CDH13: variants seen among roughly 807,000 people sequenced by gnomAD.
The protein encoded by CDH13 is cadherin 13, also known as cadherin-13.
Under a neutral mutation model 63.8 loss-of-function variants are expected in CDH13, and 24 were observed. The ratio of observed to expected loss-of-function variants is 0.38; its 90% CI spans 0.27 to 0.53. The LOEUF is 0.53. CDH13 is among the 20% of genes least tolerant of loss of function. CDH13 has a pLI of 0.85. For synonymous variants in CDH13, 503 were observed against 355.3 expected (o/e 1.42, Z -4.67); for missense variants, 1,049 against 903.1 (o/e 1.16, Z -2.07).
At chr16:83,788,444 TTAAG>T (rs1347378019) in intron 13 of CDH13, among the ~76,000 whole-genome samples, 3 of 148,066 alleles carry the variant, frequency 2.0e-5, no homozygotes, top group Admixed American at 7.0e-5. Context: ...TCCCCATATA[TTAAG>T]TATTAGTAAA....
chr16:83,319,293 T>A (rs2090171256), intron 5 of CDH13, among the ~76,000 whole-genome samples: 1 of 152,202 alleles, frequency 6.6e-6, no homozygotes, highest in Non-Finnish European at 1.5e-5. Flanking sequence ...TCTAGGATTC[T>A]CTTTGGCATT....
intron 2 of CDH13, among the ~76,000 whole-genome samples, chr16:82,940,370 G>A (rs2151307640): frequency 6.6e-6 from 1 of 152,248 alleles, no homozygotes; most frequent in African/African-American, 2.4e-5. Context: ...TATGACACCA[G>A]AATGAGCTAA....
In CDH13 at chr16:83,569,869, T is replaced by A. The variant is rs546187929; in HGVS notation, c.961-32585T>A. On this transcript the variant is annotated intron_variant, in intron 7 of 13. Coordinates refer to ENST00000567109, the MANE Select transcript of CDH13 (RefSeq NM_001257.5). The stretch of plus-strand genomic sequence containing the variant: ...CTCCTGCCTCAGCCTTCCGAGTAGC[T>A]GGGACTACAGGTGCACGCCACCATG... Among the ~76,000 whole-genome samples the A allele has an allele frequency of 3.3e-5, 5 of 152,270 alleles. No individual in the cohort carries two copies. In the South Asian group the frequency reaches 1.0e-3, roughly 32 times the overall value.
chr16:83,294,612 G>GTA (rs2089544459), intron 5 of CDH13, among the ~76,000 whole-genome samples: 2 of 108,160 alleles, frequency 1.8e-5, no homozygotes, highest in African/African-American at 7.1e-5. Flanking sequence ...ATGTGTGTGT[G>GTA]TGTGTGTATA....
At chr16:82,781,215 G>C (rs2021989064) in intron 1 of CDH13, among the ~76,000 whole-genome samples, 1 of 152,200 alleles carries the variant, frequency 6.6e-6, no homozygotes, top group African/African-American at 2.4e-5. Context: ...CCAGGGCAAG[G>C]CTGTTTAGTT....
intron 1 of CDH13, among the ~76,000 whole-genome samples, chr16:82,829,024 A>G (rs535793172): frequency 4.6e-5 from 7 of 152,268 alleles, no homozygotes; most frequent in Admixed American, 1.3e-4. Context: ...GGGTTTTAGA[A>G]AAAAGGTGGA....
intron 5 of CDH13, among the ~76,000 whole-genome samples, chr16:83,313,536 A>G (rs2090043234): frequency 1.3e-5 from 2 of 151,650 alleles, no homozygotes; most frequent in African/African-American, 4.8e-5. Context: ...TGCCATTTTT[A>G]GAGGTTCTCA....
In CDH13 at chr16:83,264,688, C is replaced by G. The variant is rs2151839240; in HGVS notation, c.636+47191C>G. Among the ~76,000 whole-genome samples, 5 of 151,466 alleles carry G rather than the reference C, an allele frequency of 3.3e-5. 2 individuals carry two copies. Among genetic ancestry groups the G allele is most frequent in the Admixed American group, 3.3e-4 (5 of 15,202 alleles). On this transcript the variant is annotated intron_variant, in intron 5 of 13. Transcript: ENST00000567109. ...TCATATCTATGGCTTGCAGCTTACC[C>G]CTCTGCCTACCCCTAATTTCTAATT...
chr16:83,671,115 C>T (rs373684839), intron 9 of CDH13, 143 bp downstream of exon 9: 3 of 726,152 alleles, frequency 4.1e-6, no homozygotes, highest in African/African-American at 3.5e-5. Flanking sequence ...GGAAAAGGCT[C>T]ATGGCTTAAG....
At chr16:83,412,749 A>T (rs1465100242) in intron 6 of CDH13, among the ~76,000 whole-genome samples, 1 of 152,186 alleles carries the variant, frequency 6.6e-6, no homozygotes, top group Non-Finnish European at 1.5e-5. Flanking sequence ...GAGCCCCCTT[A>T]AGACCCAGTG....
intron 5 of CDH13, among the ~76,000 whole-genome samples, chr16:83,315,908 A>C (rs963350408): frequency 6.6e-6 from 1 of 152,190 alleles, no homozygotes; most frequent in African/African-American, 2.4e-5. Context: ...ATATATTGAA[A>C]CACATTGTAT....
intron 5 of CDH13, among the ~76,000 whole-genome samples, chr16:83,296,061 A>C (rs183202054): frequency 6.6e-6 from 1 of 152,224 alleles, no homozygotes; most frequent in Non-Finnish European, 1.5e-5. Flanking sequence ...AGAAACCTCT[A>C]TAAGCTCCTA....
chr16:83,437,276 T>C (rs1055039569), intron 6 of CDH13, among the ~76,000 whole-genome samples: 14 of 152,200 alleles, frequency 9.2e-5, no homozygotes, highest in African/African-American at 3.4e-4. Context: ...CGGATAATGA[T>C]AGTCCTTACC....
At chr16:83,365,898 T>C (rs1193547060) in intron 6 of CDH13, among the ~76,000 whole-genome samples, 3 of 151,986 alleles carry the variant, frequency 2.0e-5, no homozygotes, top group South Asian at 2.1e-4. Flanking sequence ...AAAGGATTTT[T>C]CCCCCCAGGG....
At chr16:83,658,981 A>C (rs1290825240) in intron 8 of CDH13, among the ~76,000 whole-genome samples, 1 of 115,282 alleles carries the variant, frequency 8.7e-6, no homozygotes, top group African/African-American at 3.4e-5. Flanking sequence ...GCAAGGTCCC[A>C]TGTCCTCACC....
At chr16:83,267,322 A>G (rs990441234) in intron 5 of CDH13, among the ~76,000 whole-genome samples, 5 of 152,192 alleles carry the variant, frequency 3.3e-5, no homozygotes, top group African/African-American at 1.2e-4. Flanking sequence ...TTTATCATTC[A>G]GAGCCCGGCT....
At chr16:83,468,655 G>GCTGCCACT (rs753489082) in intron 6 of CDH13, among the ~76,000 whole-genome samples, 4 of 152,170 alleles carry the variant, frequency 2.6e-5, no homozygotes, top group Non-Finnish European at 4.4e-5. Flanking sequence ...CATTCAGACT[G>GCTGCCACT]CTGCCTCTCT....
At chr16:82,927,810 C>T (rs1421426686) in intron 2 of CDH13, among the ~76,000 whole-genome samples, 1 of 152,188 alleles carries the variant, frequency 6.6e-6, no homozygotes, top group Non-Finnish European at 1.5e-5. Context: ...CGATCATCAA[C>T]AATGTACTTA....
At chr16:82,931,802 G>A (rs548136384) in intron 2 of CDH13, among the ~76,000 whole-genome samples, 2 of 152,224 alleles carry the variant, frequency 1.3e-5, no homozygotes, top group African/African-American at 4.8e-5. Context: ...GAACAGTATG[G>A]AGGAAACCAT....
Sources: allele counts gnomAD v4.1 joint callset (sites outside exome capture counted in the v4.1 genomes callset), GRCh38; gene constraint gnomAD v4.1.1; transcripts MANE v1.5; gene names NCBI Gene and HGNC (gene_info 2026-07-23, HGNC 2026-07-21).